RPGRIP1L: variants seen among roughly 807,000 people sequenced by gnomAD.
RPGRIP1L encodes protein fantom.
In RPGRIP1L, 131 loss-of-function variants were observed where a neutral mutation model predicts 160.4. The observed-to-expected ratio is 0.82, with a 90% CI of 0.71 to 0.94. The LOEUF (loss-of-function observed/expected upper bound fraction) is 0.94, where lower values mean the gene tolerates loss of function less well. RPGRIP1L is among the 40% of genes least tolerant of loss of function. The probability of loss-of-function intolerance (pLI) is 0.00; values close to 1 mark genes in which losing one functional copy is unlikely to be tolerated. For missense variants in RPGRIP1L, 1,522 were observed against 1,535.8 expected, an observed-to-expected ratio of 0.99 and a Z score of 0.15; for synonymous variants, 510 against 515.8, an observed-to-expected ratio of 0.99 and a Z score of 0.15.
intron 26 of RPGRIP1L, among the ~76,000 whole-genome samples, chr16:53,604,743 G>A (rs1963566972): frequency 6.6e-6 from 1 of 152,320 alleles, no homozygotes; most frequent in African/African-American, 2.4e-5. Flanking sequence ...GAGAAGCCTT[G>A]AGAAAGACAT....
intron 2 of RPGRIP1L, among the ~76,000 whole-genome samples, chr16:53,697,613 C>T (rs1422649846): frequency 6.6e-6 from 1 of 152,250 alleles, no homozygotes. Flanking sequence ...ATCCACCAGC[C>T]TCGGCCTCTG....
intron 5 of RPGRIP1L, 39 bp from the exon 6 acceptor site, chr16:53,686,615 G>C: frequency 6.2e-7 from 1 of 1,610,322 alleles, no homozygotes; most frequent in Non-Finnish European, 8.5e-7. Context: ...GTAGTTTGAG[G>C]AAAATTTTTC....
At chr16:53,647,453 T>C (rs902891215) in intron 16 of RPGRIP1L, among the ~76,000 whole-genome samples, 1 of 152,218 alleles carries the variant, frequency 6.6e-6, no homozygotes, top group Non-Finnish European at 1.5e-5. Context: ...TCAGACTCAT[T>C]GTGTTACCTT....
At chr16:53,695,699 A>C (rs1970701937) in intron 3 of RPGRIP1L, 1 of 434,330 alleles carries the variant, frequency 2.3e-6, no homozygotes, top group Non-Finnish European at 4.1e-6. Context: ...GTATAACCCA[A>C]GCAAAGTTAA....
At chr16:53,621,592 C>T (rs578120694) in intron 23 of RPGRIP1L, among the ~76,000 whole-genome samples, 5 of 152,226 alleles carry the variant, frequency 3.3e-5, no homozygotes, top group South Asian at 2.1e-4. Flanking sequence ...AAAAGGGGTA[C>T]ATTTTAAGCA....
chr16:53,640,168 C>T (rs1966114764), intron 19 of RPGRIP1L, among the ~76,000 whole-genome samples: 1 of 152,128 alleles, frequency 6.6e-6, no homozygotes. Context: ...TCCAAAATTT[C>T]ATGCCTGTGC....
At chr16:53,657,190 C>T (rs1967330779) in intron 13 of RPGRIP1L, among the ~76,000 whole-genome samples, 3 of 151,692 alleles carry the variant, frequency 2.0e-5, no homozygotes, top group Non-Finnish European at 2.9e-5. Context: ...CAGTGAGCCA[C>T]GATTGCGCCA....
In RPGRIP1L at chr16:53,638,442, T is replaced by C. The variant is rs190689604; in HGVS notation, c.2959-31A>G. 1,792 of 1,164,108 alleles carry C rather than the reference T, an allele frequency of 1.5e-3. 5 individuals are homozygous for C. Among genetic ancestry groups the C allele is most frequent in the Non-Finnish European group, 2.0e-3 (1,560 of 771,054 alleles). The allele number at this position is 1,164,108 out of a possible 1,614,324, so 72.1% of individuals were successfully genotyped here. On this transcript the variant is annotated intron_variant, in intron 19 of 26. Transcript: ENST00000647211. ...ATTAATGTGAAAACACGCATGTATG[T>C]CATTTTTTATTTATTACTAAATCCC...
intron 24 of RPGRIP1L, among the ~76,000 whole-genome samples, chr16:53,612,170 A>G (rs181963011): frequency 6.6e-6 from 1 of 151,714 alleles, no homozygotes; most frequent in African/African-American, 2.4e-5. Flanking sequence ...ACATAAAGGT[A>G]CCGGTATAGG....
chr16:53,656,384 C>T, intron 14 of RPGRIP1L, 88 bp downstream of exon 14: 2 of 907,160 alleles, frequency 2.2e-6, no homozygotes, highest in Admixed American at 1.7e-5. Flanking sequence ...CAAAAATACA[C>T]TGTAAGTGCA....
At position 53,605,472 on chromosome 16, in the gene RPGRIP1L, C is replaced by T; in HGVS notation, c.3835+9G>A. The stretch of plus-strand genomic sequence containing the variant: ...GGTTGCACAAACTGAGCAACACTTT[C>T]ACCCATACCATCGATATTTTGCTCA... On this transcript the variant is annotated intron_variant, in intron 26 of 26. Coordinates refer to ENST00000647211, the MANE Select transcript of RPGRIP1L (RefSeq NM_015272.5). 1 of 1,614,126 alleles carries T rather than the reference C, an allele frequency of 6.2e-7. No individual in the cohort carries two copies. The highest frequency in any genetic ancestry group is 8.5e-7 in the Non-Finnish European group (1 of 1,179,982).
Position 53,652,262 on chromosome 16 carries a change from G to A in RPGRIP1L, c.2152+273C>T, listed in dbSNP as rs138979774. 1.9e-3 allele frequency among the ~76,000 whole-genome samples: 283 copies of A among 152,186 alleles called. 1 individual carries two copies. Among genetic ancestry groups the A allele is most frequent in the African/African-American group, 6.4e-3 (265 of 41,514 alleles). On this transcript the variant is annotated intron_variant, in intron 15 of 26. Coordinates refer to ENST00000647211, the MANE Select transcript of RPGRIP1L (RefSeq NM_015272.5). ...TAATTTTTGTATTTTTACTAGAGAC[G>A]GGGTTTTGCTGTATTTGTCAGGCTG...
intron 15 of RPGRIP1L, among the ~76,000 whole-genome samples, chr16:53,650,304 A>G (rs1245102237): frequency 6.6e-6 from 1 of 152,100 alleles, no homozygotes; most frequent in Non-Finnish European, 1.5e-5. Flanking sequence ...AGATGTGAAC[A>G]CCTTGATATT....
intron 6 of RPGRIP1L, among the ~76,000 whole-genome samples, chr16:53,680,130 C>G (rs947551302): frequency 6.6e-6 from 1 of 152,104 alleles, no homozygotes; most frequent in Non-Finnish European, 1.5e-5. Flanking sequence ...TATAAAGTGG[C>G]AGGAGGCTAT....
Position 53,658,484 on chromosome 16 carries a change from A to C in RPGRIP1L, c.1351-20T>G, listed in dbSNP as rs754953437. ...ATTCTCCTGCAATAGATTAAGTAAA[A>C]GCTCACAATGAGTTATGAATGGAAA... is the stretch of plus-strand genomic sequence containing the variant. On this transcript the variant is annotated intron_variant, in intron 11 of 26. Transcript: ENST00000647211. 8.2e-6 allele frequency: 13 copies of C among 1,577,462 alleles called. No individual in the cohort carries two copies. The highest frequency in any genetic ancestry group is 7.8e-6 in the Non-Finnish European group (9 of 1,147,152).
At chr16:53,627,775 T>C (rs924878926) in intron 22 of RPGRIP1L, among the ~76,000 whole-genome samples, 14 of 152,216 alleles carry the variant, frequency 9.2e-5, no homozygotes, top group Middle Eastern at 3.2e-3. Flanking sequence ...TTTATCACAT[T>C]TATTTTTCAA....
At chr16:53,667,856 G>C (rs930516175) in intron 9 of RPGRIP1L, among the ~76,000 whole-genome samples, 4 of 151,926 alleles carry the variant, frequency 2.6e-5, no homozygotes, top group East Asian at 1.9e-4. Flanking sequence ...CTGGGTGACA[G>C]GGTGAGATTC....
chr16:53,619,331 A>G, intron 23 of RPGRIP1L, 123 bp from the exon 24 acceptor site: 1 of 799,884 alleles, frequency 1.3e-6, no homozygotes, highest in South Asian at 1.5e-5. Flanking sequence ...CTTTTCTTGA[A>G]TGCAATGTAC....
At position 53,700,719 on chromosome 16, in the gene RPGRIP1L, G is replaced by C; in HGVS notation, c.5C>G (p.Ser2Cys). Residue 2 changes from serine (S) to cysteine (C), a missense_variant, in exon 2 of 27, where the codon TCT (serine) becomes TGT (cysteine). By Grantham distance (112) the Ser-to-Cys change is moderately radical. Coordinates refer to ENST00000647211, the MANE Select transcript of RPGRIP1L (RefSeq NM_015272.5). ...TCCTGCAGTCTCATCAGTTGGACCA[G>C]ACATGGCCTAGCTGTGGAAAAAAGA... is the stretch of plus-strand genomic sequence containing the variant. Reference protein sequence around the residue: MSGPTDETAGDL... With the variant: MCGPTDETAGDL... The C allele has an allele frequency of 1.9e-6, 3 of 1,612,460 alleles. No individual in the cohort carries two copies. The highest frequency in any genetic ancestry group is 2.5e-6 in the Non-Finnish European group (3 of 1,178,974).
Sources: gnomAD v4.1 joint callset for allele counts (sites outside exome capture counted in the v4.1 genomes callset) on GRCh38, gnomAD v4.1.1 for gene constraint, MANE v1.5 for transcripts, NCBI Gene and HGNC (gene_info 2026-07-23, HGNC 2026-07-21) for gene names.